The following CNTNAP2 variants were observed in gnomAD, a reference collection of about 807,000 sequenced individuals.
CNTNAP2 encodes the protein contactin-associated protein-like 2.
In CNTNAP2, 98 loss-of-function variants were observed where a neutral mutation model predicts 155.2. The ratio of observed to expected loss-of-function variants is 0.63; its 90% CI spans 0.54 to 0.75. The LOEUF (loss-of-function observed/expected upper bound fraction) is 0.75, where lower values mean the gene tolerates loss of function less well. Ranked by LOEUF, CNTNAP2 falls within the 30% of genes least tolerant of loss-of-function variation. CNTNAP2 has a pLI of 0.00. For synonymous variants in CNTNAP2, 651 were observed against 631.2 expected (o/e 1.03, Z -0.47); for missense variants, 1,727 against 1,688.1 (o/e 1.02, Z -0.40).
At chr7:148,194,301 T>C (rs1355254463) in intron 18 of CNTNAP2, among the ~76,000 whole-genome samples, 2 of 152,080 alleles carry the variant, frequency 1.3e-5, no homozygotes, top group African/African-American at 2.4e-5. Context: ...CTGGCCTCTT[T>C]CAAGTACCTT....
At chr7:146,248,653 AAAGGGGCTGC>A (rs1435427005) in intron 1 of CNTNAP2, among the ~76,000 whole-genome samples, 1 of 152,160 alleles carries the variant, frequency 6.6e-6, no homozygotes, top group Non-Finnish European at 1.5e-5. Flanking sequence ...AAGAGAGTAA[AAAGGGGCTGC>A]TTACCGGATT....
rs547726874 is a variant in CNTNAP2, at chr7:148,183,028, A to C, written c.3010+10550A>C. ...TCAAGCAGTTTGATCATTAATAATAATTTTATTCCTTCCTATACACTGAGC... is the reference window on the plus strand; with the variant it reads ...TCAAGCAGTTTGATCATTAATAATACTTTTATTCCTTCCTATACACTGAGC... On this transcript the variant is annotated intron_variant, in intron 18 of 23. Transcript: ENST00000361727. Among the ~76,000 whole-genome samples, 5 of 152,322 alleles carry C rather than the reference A, an allele frequency of 3.3e-5. No homozygotes were observed. In the South Asian group the frequency reaches 1.0e-3, roughly 32 times the overall value.
At chr7:147,975,283 A>G (rs1004123594) in intron 14 of CNTNAP2, among the ~76,000 whole-genome samples, 2 of 152,066 alleles carry the variant, frequency 1.3e-5, no homozygotes, top group Admixed American at 1.3e-4. Flanking sequence ...AGACAAATTT[A>G]TGGTTACTTC....
intron 21 of CNTNAP2, among the ~76,000 whole-genome samples, chr7:148,300,721 C>G (rs1797371178): frequency 6.6e-6 from 1 of 152,052 alleles, no homozygotes; most frequent in East Asian, 1.9e-4. Context: ...ATACGTACAA[C>G]ATGGGTGAAC....
intron 4 of CNTNAP2, among the ~76,000 whole-genome samples, chr7:147,045,410 G>A (rs1464688404): frequency 2.6e-5 from 4 of 152,226 alleles, no homozygotes; most frequent in East Asian, 1.9e-4. Flanking sequence ...AATAGTGCCC[G>A]AATACTGTCT....
intron 3 of CNTNAP2, among the ~76,000 whole-genome samples, chr7:146,932,675 T>C (rs1224141823): frequency 6.6e-6 from 1 of 152,174 alleles, no homozygotes; most frequent in Non-Finnish European, 1.5e-5. Flanking sequence ...CATGATAGTA[T>C]ATCTGGAAAA....
At chr7:147,360,092 C>T (rs1420360026) in intron 9 of CNTNAP2, among the ~76,000 whole-genome samples, 1 of 152,064 alleles carries the variant, frequency 6.6e-6, no homozygotes, top group Non-Finnish European at 1.5e-5. Context: ...CCTAACAATC[C>T]TAGAAAACTA....
chr7:147,242,032 C>T (rs570753657), intron 8 of CNTNAP2, among the ~76,000 whole-genome samples: 26 of 152,254 alleles, frequency 1.7e-4, no homozygotes, highest in African/African-American at 5.5e-4. Context: ...GCAAAACTGC[C>T]GACTGTCCTC....
intron 3 of CNTNAP2, among the ~76,000 whole-genome samples, chr7:147,015,371 G>A (rs1217660457): frequency 6.6e-6 from 1 of 152,006 alleles, no homozygotes; most frequent in Non-Finnish European, 1.5e-5. Flanking sequence ...GTATTGTTTT[G>A]TCTTCAAATG....
intron 11 of CNTNAP2, among the ~76,000 whole-genome samples, chr7:147,488,179 A>T (rs1798543069): frequency 6.6e-6 from 1 of 152,244 alleles, no homozygotes; most frequent in Non-Finnish European, 1.5e-5. Context: ...GCACAAATGT[A>T]AGAAGATACA....
At chr7:146,997,259 A>C (rs1159658067) in intron 3 of CNTNAP2, among the ~76,000 whole-genome samples, 1 of 152,112 alleles carries the variant, frequency 6.6e-6, no homozygotes, top group Non-Finnish European at 1.5e-5. Context: ...TACCTAATTC[A>C]TGGAGTGTTT....
At chr7:147,255,746 GTTTA>G (rs1384033441) in intron 8 of CNTNAP2, among the ~76,000 whole-genome samples, 6 of 152,028 alleles carry the variant, frequency 3.9e-5, no homozygotes, top group African/African-American at 9.6e-5. Flanking sequence ...ATGTTTGTTT[GTTTA>G]TTTGTTTATT....
At chr7:148,177,225 C>A (rs1794953394) in intron 18 of CNTNAP2, among the ~76,000 whole-genome samples, 1 of 152,140 alleles carries the variant, frequency 6.6e-6, no homozygotes, top group Non-Finnish European at 1.5e-5. Flanking sequence ...AGGGTCCTTG[C>A]AGATGTGATT....
chr7:147,160,079 A>C (rs1363259730), intron 8 of CNTNAP2, among the ~76,000 whole-genome samples: 2 of 152,124 alleles, frequency 1.3e-5, no homozygotes, highest in Non-Finnish European at 2.9e-5. Context: ...ATTTTTAACT[A>C]TGCAGCCACT....
intron 1 of CNTNAP2, among the ~76,000 whole-genome samples, chr7:146,337,539 A>G (rs961623698): frequency 2.0e-5 from 3 of 152,086 alleles, no homozygotes; most frequent in African/African-American, 7.2e-5. Flanking sequence ...GCTCACTGCA[A>G]CCTCCTCATC....
chr7:148,194,536 A>G (rs754729417), intron 18 of CNTNAP2, among the ~76,000 whole-genome samples: 23 of 152,140 alleles, frequency 1.5e-4, no homozygotes, highest in African/African-American at 4.8e-4. Context: ...TTATTATTGG[A>G]AGTGACTTAT....
chr7:146,569,162 G>GC (rs1371444551), intron 1 of CNTNAP2, among the ~76,000 whole-genome samples: 2 of 151,910 alleles, frequency 1.3e-5, no homozygotes, highest in East Asian at 1.9e-4. Flanking sequence ...GACTACAGGC[G>GC]CCCACCACCA....
chr7:146,863,465 T>G (rs553248740), intron 3 of CNTNAP2, among the ~76,000 whole-genome samples: 4 of 152,108 alleles, frequency 2.6e-5, no homozygotes, highest in Non-Finnish European at 5.9e-5. Flanking sequence ...ATTAGTCAAA[T>G]GTCCACATGG....
chr7:148,043,871 A>G (rs889945489), intron 15 of CNTNAP2, among the ~76,000 whole-genome samples: 2 of 152,154 alleles, frequency 1.3e-5, no homozygotes, highest in African/African-American at 4.8e-5. Context: ...GATTTTCTAA[A>G]TCTTTTCATA....
Sources: allele counts gnomAD v4.1 joint callset (sites outside exome capture counted in the v4.1 genomes callset), GRCh38; gene constraint gnomAD v4.1.1; transcripts MANE v1.5; gene names NCBI Gene and HGNC (gene_info 2026-07-23, HGNC 2026-07-21).